DPP10: variants seen among roughly 807,000 people sequenced by gnomAD.
The protein encoded by DPP10 is inactive dipeptidyl peptidase 10.
DPP10 carries 33 observed loss-of-function variants against 120.9 expected under a neutral mutation model. That is an observed-to-expected ratio of 0.27 (90% confidence interval 0.21 to 0.37). The LOEUF is 0.37. DPP10 is among the 10% of genes least tolerant of loss of function. The probability of loss-of-function intolerance (pLI) is 1.00; values close to 1 mark genes in which losing one functional copy is unlikely to be tolerated. For synonymous variants in DPP10, 337 were observed against 326.1 expected, an observed-to-expected ratio of 1.03 and a Z score of -0.36; for missense variants, 816 against 942.8, an observed-to-expected ratio of 0.87 and a Z score of 1.76.
chr2:114,620,157 C>T (rs993859599), intron 1 of DPP10, among the ~76,000 whole-genome samples: 1 of 151,764 alleles, frequency 6.6e-6, no homozygotes, highest in African/African-American at 2.4e-5. Flanking sequence ...ATTTCTCTTC[C>T]TCAGTGCCCA....
At chr2:114,621,043 A>T (rs1433617119) in intron 1 of DPP10, among the ~76,000 whole-genome samples, 1 of 152,074 alleles carries the variant, frequency 6.6e-6, no homozygotes, top group African/African-American at 2.4e-5. Context: ...ACAGATAAGA[A>T]GCTCTGTGGG....
chr2:115,604,095 T>G (rs77360509), intron 5 of DPP10, among the ~76,000 whole-genome samples: 54,661 of 149,146 alleles, frequency 0.37, 10,701 homozygotes, highest in African/African-American at 0.47. Flanking sequence ...TTTTTTTTTT[T>G]TTTTTTTTTT....
In DPP10 at chr2:115,843,019, C is replaced by T. The variant is rs567453923; in HGVS notation, c.*674C>T. 2 of 152,678 alleles carry T rather than the reference C, an allele frequency of 1.3e-5. No individual in the cohort carries two copies. Among genetic ancestry groups the T allele is most frequent in the East Asian group, 3.9e-4 (2 of 5,174 alleles). 9.5% of individuals were successfully genotyped at this position (152,678 alleles called of 1,614,324 possible). ...ATATATATACACAAGTGTGCATATA[C>T]AGTTAATGAAACTATCTTTAAATGT... On this transcript the variant is annotated 3_prime_UTR_variant, in exon 26 of 26. Coordinates refer to ENST00000410059, the MANE Select transcript of DPP10 (RefSeq NM_020868.6).
intron 1 of DPP10, among the ~76,000 whole-genome samples, chr2:115,097,258 C>T (rs1276187764): frequency 6.6e-6 from 1 of 152,164 alleles, no homozygotes; most frequent in Non-Finnish European, 1.5e-5. Flanking sequence ...AAATGCTCTT[C>T]TAACCTCATA....
At chr2:114,455,655 T>A (rs573956028) in intron 1 of DPP10, among the ~76,000 whole-genome samples, 1 of 152,256 alleles carries the variant, frequency 6.6e-6, no homozygotes, top group East Asian at 1.9e-4. Flanking sequence ...AAGTTACTTT[T>A]TTCCATAATA....
intron 3 of DPP10, among the ~76,000 whole-genome samples, chr2:115,365,142 G>A (rs2065006365): frequency 6.6e-6 from 1 of 152,036 alleles, no homozygotes; most frequent in Non-Finnish European, 1.5e-5. Context: ...TCCTGAAATA[G>A]TCACTAATCA....
At chr2:115,054,135 A>G (rs1705713441) in intron 1 of DPP10, among the ~76,000 whole-genome samples, 1 of 152,210 alleles carries the variant, frequency 6.6e-6, no homozygotes, top group Non-Finnish European at 1.5e-5. Flanking sequence ...ATGATATTAT[A>G]CTAAGACTTG....
chr2:115,302,473 C>T (rs2105983519), intron 1 of DPP10, among the ~76,000 whole-genome samples: 1 of 151,928 alleles, frequency 6.6e-6, no homozygotes, highest in South Asian at 2.1e-4. Flanking sequence ...AAAAAGTAGC[C>T]AGGTATAGTG....
chr2:114,476,544 A>G (rs1052200870), intron 1 of DPP10, among the ~76,000 whole-genome samples: 5 of 152,202 alleles, frequency 3.3e-5, no homozygotes, highest in African/African-American at 9.6e-5. Flanking sequence ...GCTCTTTTTG[A>G]GAAACAATGA....
chr2:114,723,032 G>A (rs1018760814), intron 1 of DPP10, among the ~76,000 whole-genome samples: 2 of 152,178 alleles, frequency 1.3e-5, no homozygotes, highest in Non-Finnish European at 2.9e-5. Context: ...AAGGATGGAA[G>A]TGCTCCGTGC....
intron 3 of DPP10, among the ~76,000 whole-genome samples, chr2:115,457,285 T>C (rs2073639681): frequency 6.6e-6 from 1 of 152,036 alleles, no homozygotes; most frequent in African/African-American, 2.4e-5. Flanking sequence ...GACCTTAATG[T>C]TAGCACTAAC....
chr2:115,115,512 G>T (rs2049456756), intron 1 of DPP10, among the ~76,000 whole-genome samples: 1 of 152,114 alleles, frequency 6.6e-6, no homozygotes, highest in African/African-American at 2.4e-5. Flanking sequence ...ACACCAATTT[G>T]CTTAAATAGT....
chr2:114,549,039 A>C (rs1364493643), intron 1 of DPP10, among the ~76,000 whole-genome samples: 1 of 152,202 alleles, frequency 6.6e-6, no homozygotes. Flanking sequence ...TAATTTTCTT[A>C]CTGACTAGAT....
intron 3 of DPP10, among the ~76,000 whole-genome samples, chr2:115,404,235 A>C (rs1559551585): frequency 6.6e-6 from 1 of 152,250 alleles, no homozygotes; most frequent in Non-Finnish European, 1.5e-5. Flanking sequence ...CAAGAATGTC[A>C]CATGATCAAA....
At chr2:115,840,878 G>A in intron 25 of DPP10, 55 bp downstream of exon 25, 1 of 1,427,006 alleles carries the variant, frequency 7.0e-7, no homozygotes, top group Non-Finnish European at 9.8e-7. Flanking sequence ...TCACTTGTGA[G>A]ATACGCAACA....
intron 1 of DPP10, among the ~76,000 whole-genome samples, chr2:115,004,160 C>T (rs1257574448): frequency 2.0e-5 from 3 of 152,166 alleles, no homozygotes; most frequent in Admixed American, 6.5e-5. Flanking sequence ...GATTGGTGAT[C>T]ACCAGAGGCT....
intron 3 of DPP10, among the ~76,000 whole-genome samples, chr2:115,402,310 T>C (rs1427248797): frequency 6.6e-6 from 1 of 152,064 alleles, no homozygotes; most frequent in East Asian, 1.9e-4. Context: ...ACATTGGGAT[T>C]ACAAGCAGGG....
chr2:114,912,404 T>C (rs1294606805), intron 1 of DPP10, among the ~76,000 whole-genome samples: 1 of 152,084 alleles, frequency 6.6e-6, no homozygotes, highest in Non-Finnish European at 1.5e-5. Context: ...TTGCTATGAA[T>C]AATAACTAAC....
chr2:115,436,579 GA>G (rs1396050888), intron 3 of DPP10, among the ~76,000 whole-genome samples: 1 of 151,736 alleles, frequency 6.6e-6, no homozygotes, highest in African/African-American at 2.4e-5. Flanking sequence ...TCAAATATTA[GA>G]CATAATCAAT....
Sources: gnomAD v4.1 joint callset for allele counts (sites outside exome capture counted in the v4.1 genomes callset) on GRCh38, gnomAD v4.1.1 for gene constraint, MANE v1.5 for transcripts, NCBI Gene and HGNC (gene_info 2026-07-23, HGNC 2026-07-21) for gene names.